LSAMP: variants seen among roughly 807,000 people sequenced by gnomAD.
LSAMP encodes the protein limbic system associated membrane protein, also known as limbic system-associated membrane protein.
In LSAMP, 7 loss-of-function variants were observed where a neutral mutation model predicts 38.6. The ratio of observed to expected loss-of-function variants is 0.18; its 90% CI spans 0.10 to 0.34. The LOEUF (loss-of-function observed/expected upper bound fraction) is 0.34. Among genes scored for constraint, LSAMP ranks in the 10% least tolerant of loss-of-function variants. The pLI is 1.00. For missense variants in LSAMP, 313 were observed against 420.0 expected (o/e 0.75, Z 2.23); for synonymous variants, 154 against 166.8 (o/e 0.92, Z 0.59).
At chr3:116,170,611 C>T (rs1559768789) in intron 1 of LSAMP, among the ~76,000 whole-genome samples, 1 of 152,096 alleles carries the variant, frequency 6.6e-6, no homozygotes, top group Non-Finnish European at 1.5e-5. Context: ...GTTAACTTTT[C>T]TAACCCTCAG....
At chr3:116,273,707 T>TATATATATACACAC (rs1307543165) in intron 1 of LSAMP, among the ~76,000 whole-genome samples, 7 of 102,594 alleles carry the variant, frequency 6.8e-5, no homozygotes, top group African/African-American at 2.8e-4. Flanking sequence ...TATATATATA[T>TATATATATACACAC]ACACACACAC....
At chr3:116,393,957 C>G (rs2048736575) in intron 1 of LSAMP, among the ~76,000 whole-genome samples, 1 of 152,172 alleles carries the variant, frequency 6.6e-6, no homozygotes, top group Non-Finnish European at 1.5e-5. Flanking sequence ...CATTGAAGTA[C>G]TGTTTTATGA....
At chr3:115,832,474 C>T (rs1027219291) in intron 6 of LSAMP, among the ~76,000 whole-genome samples, 1 of 152,276 alleles carries the variant, frequency 6.6e-6, no homozygotes, top group Non-Finnish European at 1.5e-5. Flanking sequence ...GCATGCTTCT[C>T]ATAGATATTT....
intron 2 of LSAMP, among the ~76,000 whole-genome samples, chr3:116,043,583 C>T (rs1213139554): frequency 6.6e-6 from 1 of 152,150 alleles, no homozygotes; most frequent in South Asian, 2.1e-4. Context: ...GCTTGCTGCT[C>T]TGTGAAGCAG....
chr3:116,285,278 T>C (rs1039611300), intron 1 of LSAMP, among the ~76,000 whole-genome samples: 1 of 152,140 alleles, frequency 6.6e-6, no homozygotes, highest in African/African-American at 2.4e-5. Context: ...TCACAACTTC[T>C]GATTGGCCTA....
chr3:115,889,004 G>C (rs1474102426), intron 3 of LSAMP, among the ~76,000 whole-genome samples: 1 of 151,884 alleles, frequency 6.6e-6, no homozygotes, highest in Non-Finnish European at 1.5e-5. Context: ...GACAGGAAGG[G>C]AAAGAAAGCC....
intron 3 of LSAMP, among the ~76,000 whole-genome samples, chr3:115,916,110 C>CTTAAGTTCTATTGAATGA (rs1937245761): frequency 6.6e-6 from 1 of 152,018 alleles, no homozygotes; most frequent in Non-Finnish European, 1.5e-5. Flanking sequence ...TTAAGTCCAA[C>CTTAAGTTCTATTGAATGA]ACCGATCATT....
At chr3:116,171,793 A>C (rs1710206096) in intron 1 of LSAMP, among the ~76,000 whole-genome samples, 1 of 151,924 alleles carries the variant, frequency 6.6e-6, no homozygotes, top group South Asian at 2.1e-4. Context: ...CAGGTGGAGA[A>C]GAGAGGATCA....
intron 1 of LSAMP, among the ~76,000 whole-genome samples, chr3:116,135,680 T>C (rs113898902): frequency 3.3e-5 from 5 of 152,150 alleles, no homozygotes; most frequent in Admixed American, 6.6e-5. Flanking sequence ...ACCAACTCCC[T>C]GTCAAGTAGA....
intron 6 of LSAMP, among the ~76,000 whole-genome samples, chr3:115,836,504 C>T (rs1192327401): frequency 6.6e-6 from 1 of 152,182 alleles, no homozygotes; most frequent in Non-Finnish European, 1.5e-5. Context: ...TTGGCAGCTG[C>T]TACTTGAGGA....
chr3:115,861,130 T>TTTCCTTCC (rs369018115), intron 3 of LSAMP, among the ~76,000 whole-genome samples: 51 of 64,674 alleles, frequency 7.9e-4, no homozygotes, highest in Non-Finnish European at 1.2e-3. Flanking sequence ...TCCTTCTTTC[T>TTTCCTTCC]TTCCTTCCTT....
intron 3 of LSAMP, among the ~76,000 whole-genome samples, chr3:116,008,793 C>A (rs967048677): frequency 1.2e-4 from 19 of 152,034 alleles, no homozygotes; most frequent in Non-Finnish European, 2.2e-4. Flanking sequence ...AGGTCCCTAA[C>A]TGCTATACTT....
chr3:116,069,344 T>G (rs1707541984), intron 2 of LSAMP, among the ~76,000 whole-genome samples: 1 of 152,194 alleles, frequency 6.6e-6, no homozygotes, highest in African/African-American at 2.4e-5. Context: ...AGGATATAAA[T>G]TATGCACATA....
intron 1 of LSAMP, among the ~76,000 whole-genome samples, chr3:116,139,441 T>C (rs1007260087): frequency 7.9e-5 from 12 of 152,036 alleles, no homozygotes; most frequent in African/African-American, 2.7e-4. Flanking sequence ...TGATTGTTTT[T>C]ACTGCCATAA....
intron 3 of LSAMP, among the ~76,000 whole-genome samples, chr3:115,973,740 A>C (rs1340412442): frequency 6.6e-6 from 1 of 152,172 alleles, no homozygotes; most frequent in African/African-American, 2.4e-5. Flanking sequence ...AACTCAAAAA[A>C]AAAAATTAAT....
At chr3:116,099,233 C>T (rs984229012) in intron 1 of LSAMP, among the ~76,000 whole-genome samples, 1 of 152,192 alleles carries the variant, frequency 6.6e-6, no homozygotes, top group African/African-American at 2.4e-5. Flanking sequence ...TCTTTAGCCT[C>T]AGAGCAGTTG....
chr3:115,821,450 T>C (rs1934235488), intron 6 of LSAMP, among the ~76,000 whole-genome samples: 3 of 152,218 alleles, frequency 2.0e-5, no homozygotes, highest in Admixed American at 1.3e-4. Flanking sequence ...ACGTAGAGTT[T>C]GGGGAGTTTA....
intron 1 of LSAMP, among the ~76,000 whole-genome samples, chr3:116,103,565 T>C (rs1256854299): frequency 6.6e-6 from 1 of 151,064 alleles, no homozygotes; most frequent in Non-Finnish European, 1.5e-5. Context: ...ATCTTTTTTT[T>C]TTTTTTTTGG....
intron 1 of LSAMP, among the ~76,000 whole-genome samples, chr3:116,382,129 A>T (rs1245796316): frequency 6.6e-6 from 1 of 152,088 alleles, no homozygotes; most frequent in African/African-American, 2.4e-5. Flanking sequence ...TAGAAATACC[A>T]TTTGACCCAG....
Sources: gnomAD v4.1 joint callset for allele counts (sites outside exome capture counted in the v4.1 genomes callset) on GRCh38, gnomAD v4.1.1 for gene constraint, MANE v1.5 for transcripts, NCBI Gene and HGNC (gene_info 2026-07-23, HGNC 2026-07-21) for gene names.